TBC1D22B: variants seen among roughly 807,000 people sequenced by gnomAD.
TBC1D22B encodes TBC1 domain family member 22B, also known as chromosome 6 open reading frame 197.
Under a neutral mutation model 69.1 loss-of-function variants are expected in TBC1D22B, and 32 were observed. The observed-to-expected ratio is 0.46, with a 90% CI of 0.35 to 0.62. The LOEUF (loss-of-function observed/expected upper bound fraction) is 0.62. Among genes scored for constraint, TBC1D22B ranks in the 20% least tolerant of loss-of-function variants. TBC1D22B has a pLI of 0.00. For missense variants in TBC1D22B, 462 were observed against 630.9 expected (o/e 0.73, Z 2.87); for synonymous variants, 206 against 229.8 (o/e 0.90, Z 0.94).
chr6:37,291,929 G>A (rs192014890), intron 8 of TBC1D22B, among the ~76,000 whole-genome samples: 139 of 152,288 alleles, frequency 9.1e-4, no homozygotes, highest in African/African-American at 2.9e-3. Flanking sequence ...GGGTTTTCTT[G>A]TAGTCCCAGC....
intron 12 of TBC1D22B, among the ~76,000 whole-genome samples, chr6:37,319,764 G>A (rs763279560): frequency 1.3e-5 from 2 of 152,212 alleles, no homozygotes; most frequent in Non-Finnish European, 2.9e-5. Context: ...AATGATAAAA[G>A]AAGAAAATGT....
In TBC1D22B at chr6:37,257,977, A is replaced by G; in HGVS notation, c.56+4A>G. ...GGAGCGCTAAGCTGCCGGGGAGGTGAGCCCAGGACGCTGAGAGGGATAGGG... is the reference window on the plus strand; with the variant it reads ...GGAGCGCTAAGCTGCCGGGGAGGTGGGCCCAGGACGCTGAGAGGGATAGGG... On this transcript the variant is annotated splice_donor_region_variant and intron_variant, in intron 1 of 12. Coordinates refer to ENST00000373491, the MANE Select transcript of TBC1D22B (RefSeq NM_017772.4). 4 of 1,614,052 alleles carry G rather than the reference A, an allele frequency of 2.5e-6. No homozygotes were observed. Among genetic ancestry groups the G allele is most frequent in the Non-Finnish European group, 2.5e-6 (3 of 1,179,978 alleles).
At position 37,331,196 on chromosome 6, in the gene TBC1D22B, G is replaced by A. The variant is rs1768573006; in HGVS notation, c.*24G>A. 1 of 1,613,092 alleles carries A rather than the reference G, an allele frequency of 6.2e-7. No homozygotes were observed. The highest frequency in any genetic ancestry group is 2.2e-5 in the East Asian group (1 of 44,852). ...AGGTGCTGTCTCCTCCGGGGACCCA[G>A]ACTGCCTTCATCTCTGATGGCAGTC... On this transcript the variant is annotated 3_prime_UTR_variant, in exon 13 of 13. Transcript: ENST00000373491.
intron 8 of TBC1D22B, among the ~76,000 whole-genome samples, chr6:37,301,896 A>G (rs1028647710): frequency 1.3e-5 from 2 of 152,148 alleles, no homozygotes; most frequent in Admixed American, 6.5e-5. Flanking sequence ...ACAGGCCAGC[A>G]GTTGCCCTCA....
intron 2 of TBC1D22B, 119 bp from the exon 3 acceptor site, chr6:37,279,185 A>T: frequency 3.9e-6 from 4 of 1,023,014 alleles, no homozygotes; most frequent in Non-Finnish European, 1.4e-6. Context: ...TTTTTGTTTG[A>T]AGAAGCTAAT....
chr6:37,261,073 A>G (rs146957424), intron 1 of TBC1D22B, among the ~76,000 whole-genome samples: 260 of 152,290 alleles, frequency 1.7e-3, no homozygotes, highest in Non-Finnish European at 3.1e-3. Flanking sequence ...AGTTATTCAC[A>G]TGAGCCCCAT....
chr6:37,260,893 G>T (rs929842529), intron 1 of TBC1D22B, among the ~76,000 whole-genome samples: 5 of 152,084 alleles, frequency 3.3e-5, no homozygotes, highest in African/African-American at 1.2e-4. Flanking sequence ...TCAGTTGATG[G>T]ATATTTGAAT....
At chr6:37,324,052 A>G (rs767124654) in intron 12 of TBC1D22B, among the ~76,000 whole-genome samples, 23 of 152,248 alleles carry the variant, frequency 1.5e-4, no homozygotes, top group Non-Finnish European at 2.5e-4. Context: ...GAAATGTTTT[A>G]CTACCTCACT....
intron 8 of TBC1D22B, among the ~76,000 whole-genome samples, chr6:37,294,031 A>G (rs1252961997): frequency 6.6e-6 from 1 of 152,232 alleles, no homozygotes; most frequent in Non-Finnish European, 1.5e-5. Flanking sequence ...AGCCATCTCC[A>G]TAACATGAAA....
chr6:37,262,800 C>T (rs1766150024), intron 1 of TBC1D22B, among the ~76,000 whole-genome samples: 1 of 152,148 alleles, frequency 6.6e-6, no homozygotes, highest in African/African-American at 2.4e-5. Context: ...GTCTTTTTCC[C>T]ATATTTGCAC....
chr6:37,270,055 A>G lies in TBC1D22B; in HGVS notation c.113+405A>G, dbSNP rs113983743. On this transcript the variant is annotated intron_variant, in intron 2 of 12. Coordinates refer to ENST00000373491, the MANE Select transcript of TBC1D22B (RefSeq NM_017772.4). ...CTGCCACCTTTTCCTCACTTTTACT[A>G]TGAGAACTAGGGCAACAGAATATAA... Among the ~76,000 whole-genome samples, 695 of 152,264 alleles carry G rather than the reference A, an allele frequency of 4.6e-3. 9 individuals carry two copies. Among genetic ancestry groups the G allele is most frequent in the African/African-American group, 0.016 (666 of 41,538 alleles).
chr6:37,269,134 AC>A (rs1447197439), intron 1 of TBC1D22B, among the ~76,000 whole-genome samples: 2 of 152,034 alleles, frequency 1.3e-5, no homozygotes, highest in Admixed American at 6.6e-5. Context: ...TTTACTTTAT[AC>A]CCCTCCTGCA....
At chr6:37,276,912 A>G (rs561121219) in intron 2 of TBC1D22B, among the ~76,000 whole-genome samples, 64 of 152,240 alleles carry the variant, frequency 4.2e-4, no homozygotes, top group African/African-American at 1.4e-3. Flanking sequence ...AAATATATAT[A>G]TATATAAAAC....
intron 3 of TBC1D22B, 57 bp from the exon 4 acceptor site, chr6:37,282,128 T>TCTCAGAATCCATACTC: frequency 6.3e-7 from 1 of 1,585,764 alleles, no homozygotes; most frequent in East Asian, 2.2e-5. Flanking sequence ...GTTTAAGGCT[T>TCTCAGAATCCATACTC]CTCAGAATCC....
At chr6:37,259,698 A>G (rs772060216) in intron 1 of TBC1D22B, among the ~76,000 whole-genome samples, 1 of 152,338 alleles carries the variant, frequency 6.6e-6, no homozygotes, top group Non-Finnish European at 1.5e-5. Flanking sequence ...ATATAGAGAA[A>G]TAGAGAACTT....
Position 37,317,171 on chromosome 6 carries a change from TG to T in TBC1D22B, c.1356del (p.Trp452Ter). ...LYVCAAFLIK[W>X]RKEILDEEDF... ...CGTGTGTGCAGCCTTCTTGATCAAGTGGAGGAAAGAGATCTTGGATGAGGAG... is the reference window on the plus strand; with the variant it reads ...CGTGTGTGCAGCCTTCTTGATCAAGTGAGGAAAGAGATCTTGGATGAGGAG... On this transcript the variant is annotated frameshift_variant, in exon 12 of 13. Transcript: ENST00000373491. LOFTEE classifies it high-confidence loss of function. 1 of 1,577,618 alleles carries T rather than the reference TG, an allele frequency of 6.3e-7. No homozygotes were observed.
At chr6:37,321,265 C>G (rs1478780035) in intron 12 of TBC1D22B, among the ~76,000 whole-genome samples, 6 of 151,612 alleles carry the variant, frequency 4.0e-5, no homozygotes, top group Admixed American at 3.9e-4. Context: ...GGAATCCACT[C>G]TCTGAACCAC....
chr6:37,290,137 C>G (rs907084352), intron 7 of TBC1D22B, among the ~76,000 whole-genome samples: 6 of 152,144 alleles, frequency 3.9e-5, no homozygotes, highest in Non-Finnish European at 8.8e-5. Flanking sequence ...TAACCATTTC[C>G]TGTTTGTTGG....
At chr6:37,326,729 G>A (rs1417322385) in intron 12 of TBC1D22B, among the ~76,000 whole-genome samples, 1 of 152,028 alleles carries the variant, frequency 6.6e-6, no homozygotes. Flanking sequence ...TGGAGGTGGT[G>A]GTGAGCCAAG....
Sources: gnomAD v4.1 joint callset for allele counts (sites outside exome capture counted in the v4.1 genomes callset) on GRCh38, gnomAD v4.1.1 for gene constraint, MANE v1.5 for transcripts, NCBI Gene and HGNC (gene_info 2026-07-23, HGNC 2026-07-21) for gene names.